The following ATCAY variants were observed in gnomAD, a reference collection of about 807,000 sequenced individuals.
ATCAY encodes the protein caytaxin.
In ATCAY, 22 loss-of-function variants were observed where a neutral mutation model predicts 47.7. That is an observed-to-expected ratio of 0.46 (90% CI 0.33 to 0.66). The LOEUF is 0.66. Among genes scored for constraint, ATCAY ranks in the 30% least tolerant of loss-of-function variants. The pLI, the probability that ATCAY is intolerant of heterozygous loss-of-function variation, is 0.02. For synonymous variants in ATCAY, 216 were observed against 207.6 expected (o/e 1.04, Z -0.35); for missense variants, 452 against 515.0 (o/e 0.88, Z 1.18).
intron 9 of ATCAY, 127 bp from the exon 10 acceptor site, chr19:3,917,614 AG>A: frequency 8.5e-6 from 6 of 705,432 alleles, no homozygotes; most frequent in South Asian, 1.9e-5. Flanking sequence ...AAAAAAAGGA[AG>A]AAGAAGAAGA....
intron 2 of ATCAY, among the ~76,000 whole-genome samples, chr19:3,898,428 G>T (rs746053620): frequency 6.6e-6 from 1 of 152,082 alleles, no homozygotes; most frequent in Non-Finnish European, 1.5e-5. Context: ...CAATGAACCC[G>T]CCCGCATCAG....
chr19:3,906,485 T>A (rs1331612905), intron 4 of ATCAY, among the ~76,000 whole-genome samples: 1 of 151,776 alleles, frequency 6.6e-6, no homozygotes, highest in African/African-American at 2.4e-5. Context: ...ATATTTTTAG[T>A]AGAGATGGGG....
chr19:3,887,737 C>G (rs530557532), intron 2 of ATCAY, among the ~76,000 whole-genome samples: 2 of 150,446 alleles, frequency 1.3e-5, no homozygotes, highest in East Asian at 2.0e-4. Flanking sequence ...CCGCCCACCT[C>G]GGCCTCCCAA....
chr19:3,897,349 G>A (rs1384646753), intron 2 of ATCAY, among the ~76,000 whole-genome samples: 1 of 151,182 alleles, frequency 6.6e-6, no homozygotes, highest in Non-Finnish European at 1.5e-5. Context: ...ATCCAGGCTG[G>A]AGTGCAGTGG....
intron 3 of ATCAY, among the ~76,000 whole-genome samples, chr19:3,903,920 C>A (rs2038837146): frequency 6.8e-6 from 1 of 146,790 alleles, no homozygotes; most frequent in South Asian, 2.1e-4. Flanking sequence ...GGGCAGATCA[C>A]GAGGTCAGGA....
At chr19:3,921,696 AAGACC>A (rs2039021151) in intron 12 of ATCAY, among the ~76,000 whole-genome samples, 1 of 152,082 alleles carries the variant, frequency 6.6e-6, no homozygotes, top group Non-Finnish European at 1.5e-5. Flanking sequence ...TCAGGAATTC[AAGACC>A]AGCCTGGCCA....
chr19:3,905,019 C>T (rs1022568915), intron 3 of ATCAY, among the ~76,000 whole-genome samples: 6 of 152,156 alleles, frequency 3.9e-5, no homozygotes, highest in East Asian at 3.9e-4. Flanking sequence ...CCACTGTGCC[C>T]GGCTAATTTT....
chr19:3,897,071 G>A (rs949355765), intron 2 of ATCAY, among the ~76,000 whole-genome samples: 2 of 151,872 alleles, frequency 1.3e-5, no homozygotes, highest in African/African-American at 2.4e-5. Context: ...GAGCCACCAC[G>A]CCCAGCCAGA....
intron 3 of ATCAY, among the ~76,000 whole-genome samples, chr19:3,904,858 T>TTATG (rs1299787914): frequency 6.6e-6 from 1 of 151,734 alleles, no homozygotes; most frequent in Non-Finnish European, 1.5e-5. Flanking sequence ...TCTCCTTTAT[T>TTATG]TATTTATTTA....
intron 6 of ATCAY, 132 bp from the exon 7 acceptor site, chr19:3,909,354 G>A: frequency 1.9e-6 from 2 of 1,033,652 alleles, no homozygotes; most frequent in South Asian, 1.6e-5. Flanking sequence ...CGCCAGGACA[G>A]CAGACAACAC....
rs113947508 is a variant in ATCAY, at chr19:3,924,233, G to GTGGATGGATGGATGGA, written c.1107-326_1107-311dup. Among the ~76,000 whole-genome samples, 6 of 140,798 alleles carry GTGGATGGATGGATGGA rather than the reference G, an allele frequency of 4.3e-5. No individual in the cohort carries two copies. In the East Asian group the frequency reaches 6.8e-4, roughly 16 times the overall value. The allele number at this position is 140,798 out of a possible 152,430, so 92.4% of individuals were successfully genotyped here. ...AGTGAATGGATGGGTGAGTGAGTGT[G>GTGGATGGATGGATGGA]TGGATGGATGGATGGATGGATGGAT... On this transcript the variant is annotated intron_variant, in intron 12 of 12. Coordinates refer to ENST00000450849, the MANE Select transcript of ATCAY (RefSeq NM_033064.5).
intron 9 of ATCAY, among the ~76,000 whole-genome samples, chr19:3,915,555 CTT>C (rs1264823704): frequency 7.1e-5 from 9 of 126,182 alleles, no homozygotes; most frequent in Admixed American, 8.1e-5. Context: ...CCAGACCTTT[CTT>C]TTTTTTTTTT....
At chr19:3,908,427 C>G in intron 6 of ATCAY, 57 bp downstream of exon 6, 2 of 1,414,004 alleles carry the variant, frequency 1.4e-6, no homozygotes, top group Non-Finnish European at 9.8e-7. Context: ...TCCCTGGCCA[C>G]AGGGGCACCA....
intron 12 of ATCAY, among the ~76,000 whole-genome samples, chr19:3,924,078 G>A (rs1361175966): frequency 3.3e-5 from 5 of 151,274 alleles, no homozygotes; most frequent in African/African-American, 1.2e-4. Flanking sequence ...ATGGATGGAT[G>A]GTTGAATAGA....
Position 3,914,251 on chromosome 19 carries a change from G to C in ATCAY, c.965+395G>C, listed in dbSNP as rs1228276549. On this transcript the variant is annotated intron_variant, in intron 9 of 12. Transcript: ENST00000450849. ...ACTCCATCGCAAAAAAAAAAAAAAAGGGCTAACGGACTCACAATTCCATGT... is the reference window on the plus strand; with the variant it reads ...ACTCCATCGCAAAAAAAAAAAAAAACGGCTAACGGACTCACAATTCCATGT... Among the ~76,000 whole-genome samples the C allele has an allele frequency of 8.4e-5, 4 of 47,418 alleles. No individual in the cohort carries two copies. In the East Asian group the frequency reaches 6.8e-3, roughly 80 times the overall value. The allele number at this position is 47,418 out of a possible 152,430, so 31.1% of individuals were successfully genotyped here.
intron 1 of ATCAY, among the ~76,000 whole-genome samples, chr19:3,883,146 C>CCG (rs2038617310): frequency 6.6e-6 from 1 of 151,932 alleles, no homozygotes; most frequent in African/African-American, 2.4e-5. Flanking sequence ...CTTTGGGAGG[C>CCG]AGGTGGATCA....
At chr19:3,896,893 C>T (rs952571289) in intron 2 of ATCAY, among the ~76,000 whole-genome samples, 3 of 152,116 alleles carry the variant, frequency 2.0e-5, no homozygotes, top group South Asian at 2.1e-4. Context: ...TCTCCTGCCT[C>T]AGCCTCACCA....
intron 8 of ATCAY, among the ~76,000 whole-genome samples, chr19:3,912,652 G>A (rs1041110793): frequency 1.3e-5 from 2 of 151,470 alleles, no homozygotes; most frequent in East Asian, 2.0e-4. Context: ...GACCGAGGCA[G>A]GAGGATCGCT....
intron 9 of ATCAY, 43 bp from the exon 10 acceptor site, chr19:3,917,699 G>A (rs1470599779): frequency 1.2e-6 from 2 of 1,612,496 alleles, no homozygotes; most frequent in Non-Finnish European, 1.7e-6. Flanking sequence ...GTATATCTCA[G>A]GGGAAAGGAA....
Sources: gnomAD v4.1 joint callset for allele counts (sites outside exome capture counted in the v4.1 genomes callset) on GRCh38, gnomAD v4.1.1 for gene constraint, MANE v1.5 for transcripts, NCBI Gene and HGNC (gene_info 2026-07-23, HGNC 2026-07-21) for gene names.